ATG5: variants seen among roughly 807,000 people sequenced by gnomAD.
ATG5 encodes autophagy related 5.
Under a neutral mutation model 36.5 loss-of-function variants are expected in ATG5, and 14 were observed. That is an observed-to-expected ratio of 0.38 (90% CI 0.25 to 0.60). ATG5 has a LOEUF of 0.60. Among genes scored for constraint, ATG5 ranks in the 20% least tolerant of loss-of-function variants. The pLI, the probability that ATG5 is intolerant of heterozygous loss-of-function variation, is 0.60. For synonymous variants in ATG5, 95 were observed against 101.5 expected (o/e 0.94, Z 0.38); for missense variants, 195 against 326.7 (o/e 0.60, Z 3.11).
chr6:106,191,023 C>G (rs1775947649), intron 7 of ATG5, among the ~76,000 whole-genome samples: 1 of 152,092 alleles, frequency 6.6e-6, no homozygotes, highest in South Asian at 2.1e-4. Flanking sequence ...CTGAGCAGGT[C>G]TCACGTCACT....
chr6:106,304,140 T>C (rs1238298717), intron 3 of ATG5: 1 of 151,952 alleles, frequency 6.6e-6, no homozygotes, highest in Admixed American at 6.6e-5. Context: ...AACACAAAAA[T>C]CAATAACATT....
chr6:106,309,766 A>C (rs1327859248), intron 2 of ATG5, among the ~76,000 whole-genome samples: 1 of 152,172 alleles, frequency 6.6e-6, no homozygotes, highest in Non-Finnish European at 1.5e-5. Context: ...AAAAAAGCAA[A>C]ACAGCGTCGC....
intron 7 of ATG5, among the ~76,000 whole-genome samples, chr6:106,198,768 CCTGTCTGG>C (rs1776300737): frequency 1.5e-5 from 2 of 131,164 alleles, no homozygotes; most frequent in African/African-American, 2.9e-5. Context: ...AGAGCGAGAC[CCTGTCTGG>C]GAAAAAAAAA....
intron 5 of ATG5, among the ~76,000 whole-genome samples, chr6:106,267,208 C>G (rs1052760717): frequency 1.3e-5 from 2 of 152,282 alleles, no homozygotes; most frequent in Non-Finnish European, 2.9e-5. Context: ...AGCAAAGAAG[C>G]AGAGAGTCAA....
intron 1 of ATG5, among the ~76,000 whole-genome samples, chr6:106,322,958 C>A (rs1389819191): frequency 6.6e-6 from 1 of 152,122 alleles, no homozygotes; most frequent in African/African-American, 2.4e-5. Context: ...CTCGCTCTGT[C>A]GCCCAGGCTG....
rs149029853 is a variant in ATG5, at chr6:106,223,694, T to C, written c.574-21605A>G. Among the ~76,000 whole-genome samples, 682 of 152,348 alleles carry C rather than the reference T, an allele frequency of 4.5e-3. 4 individuals are homozygous for C. Among genetic ancestry groups the C allele is most frequent in the African/African-American group, 0.015 (643 of 41,574 alleles). ...GATACAGAGAGAAATGAAACAATCC[T>C]TGTCCTTGAGGAATTAATAGTTTAC... On this transcript the variant is annotated intron_variant, in intron 6 of 7. Transcript: ENST00000369076.
intron 6 of ATG5, among the ~76,000 whole-genome samples, chr6:106,236,453 G>A (rs1777908793): frequency 1.3e-5 from 2 of 152,278 alleles, no homozygotes; most frequent in South Asian, 4.1e-4. Context: ...TACTAATAAT[G>A]TATGAGAGTT....
chr6:106,280,994 A>C (rs1400916069), intron 4 of ATG5, among the ~76,000 whole-genome samples: 2 of 149,394 alleles, frequency 1.3e-5, no homozygotes, highest in African/African-American at 5.1e-5. Context: ...TAAAAATGGC[A>C]AAAAAACAGC....
chr6:106,321,173 C>T (rs891043925), intron 1 of ATG5, among the ~76,000 whole-genome samples: 1 of 152,202 alleles, frequency 6.6e-6, no homozygotes, highest in Non-Finnish European at 1.5e-5. Context: ...TCCTCTTTGA[C>T]TCTCATATTT....
intron 6 of ATG5, among the ~76,000 whole-genome samples, chr6:106,206,795 G>A (rs1582548647): frequency 6.6e-6 from 1 of 152,196 alleles, no homozygotes; most frequent in South Asian, 2.1e-4. Flanking sequence ...AATGGGAATG[G>A]AGGACATATT....
rs115850135 is a variant in ATG5, at chr6:106,299,119, G to A, written c.237-6013C>T. Among the ~76,000 whole-genome samples the A allele has an allele frequency of 2.2e-3, 338 of 152,248 alleles. 3 individuals are homozygous for A. The highest frequency in any genetic ancestry group is 7.7e-3 in the African/African-American group (318 of 41,544). Reference sequence around the variant, plus strand: ...TAGTAAGGATTTGAACCTGGAATACGGTCCACCCTTGGTACGTGTGGGGAT... The same window carrying A: ...TAGTAAGGATTTGAACCTGGAATACAGTCCACCCTTGGTACGTGTGGGGAT... On this transcript the variant is annotated intron_variant, in intron 3 of 7. Transcript: ENST00000369076.
intron 5 of ATG5, among the ~76,000 whole-genome samples, chr6:106,266,288 C>T (rs115859095): frequency 0.086 from 13,022 of 152,190 alleles, 589 homozygotes; most frequent in South Asian, 0.13. Flanking sequence ...ACTGCCAAGA[C>T]TAAACCAGAA....
At chr6:106,241,985 C>T (rs1778144835) in intron 6 of ATG5, among the ~76,000 whole-genome samples, 1 of 152,062 alleles carries the variant, frequency 6.6e-6, no homozygotes, top group Admixed American at 6.5e-5. Flanking sequence ...CTAATACACC[C>T]CTGTTCATGG....
chr6:106,244,265 T>C (rs1162271991), intron 6 of ATG5, among the ~76,000 whole-genome samples: 1 of 152,190 alleles, frequency 6.6e-6, no homozygotes, highest in Non-Finnish European at 1.5e-5. Context: ...AAGAATAACA[T>C]GTAGAACAAA....
At chr6:106,216,843 T>C (rs1358570807) in intron 6 of ATG5, among the ~76,000 whole-genome samples, 1 of 151,962 alleles carries the variant, frequency 6.6e-6, no homozygotes, top group Non-Finnish European at 1.5e-5. Flanking sequence ...TACCTGTAAA[T>C]AGCCACCATA....
intron 1 of ATG5, among the ~76,000 whole-genome samples, chr6:106,324,535 CTTTTGTTTACTA>C (rs1562276544): frequency 2.0e-5 from 3 of 152,114 alleles, no homozygotes; most frequent in African/African-American, 4.8e-5. Flanking sequence ...GATTTTTATT[CTTTTGTTTACTA>C]TTTTGTTTAC....
intron 6 of ATG5, among the ~76,000 whole-genome samples, chr6:106,223,402 GT>G (rs1183418072): frequency 1.3e-5 from 2 of 152,188 alleles, no homozygotes; most frequent in Non-Finnish European, 2.9e-5. Flanking sequence ...ATTAATAGTT[GT>G]TTTCAGTTTT....
chr6:106,297,693 CTAAAT>C (rs1770011913), intron 3 of ATG5, among the ~76,000 whole-genome samples: 1 of 149,840 alleles, frequency 6.7e-6, no homozygotes, highest in African/African-American at 2.5e-5. Flanking sequence ...TCTAAATTCT[CTAAAT>C]TATTTGCAAA....
chr6:106,276,408 G>A (rs1779653139), intron 5 of ATG5, among the ~76,000 whole-genome samples: 1 of 149,976 alleles, frequency 6.7e-6, no homozygotes, highest in African/African-American at 2.4e-5. Flanking sequence ...AGCTTGCAGT[G>A]AGCCGAGATC....
Sources: allele counts gnomAD v4.1 joint callset (sites outside exome capture counted in the v4.1 genomes callset), GRCh38; gene constraint gnomAD v4.1.1; transcripts MANE v1.5; gene names NCBI Gene and HGNC (gene_info 2026-07-23, HGNC 2026-07-21).